EHMT1: variants seen among roughly 807,000 people sequenced by gnomAD.
EHMT1 encodes the protein histone-lysine N-methyltransferase EHMT1.
Under a neutral mutation model 147.2 loss-of-function variants are expected in EHMT1, and 15 were observed. The ratio of observed to expected loss-of-function variants is 0.10; its 90% CI spans 0.07 to 0.16. The LOEUF is 0.16. Ranked by LOEUF, EHMT1 falls within the 10% of genes least tolerant of loss-of-function variation. The pLI is 1.00. For synonymous variants in EHMT1, 795 were observed against 709.6 expected (o/e 1.12, Z -1.91); for missense variants, 1,587 against 1,772.4 (o/e 0.90, Z 1.88).
At chr9:137,675,630 ATTTT>A (rs61666243) in intron 1 of EHMT1, among the ~76,000 whole-genome samples, 91 of 105,736 alleles carry the variant, frequency 8.6e-4, no homozygotes, top group African/African-American at 1.7e-3. Context: ...CGCCCGGCTA[ATTTT>A]TTTTTTTTTT....
Position 137,811,412 on chromosome 9 carries a change from T to G in EHMT1, c.2713-49T>G, listed in dbSNP as rs1361831351. The stretch of plus-strand genomic sequence containing the variant: ...AGCTGCTGTGGCCCAGCCCCAGCAC[T>G]GTGAGCCAGCAGGAAGCCTGCACTG... On this transcript the variant is annotated intron_variant, in intron 18 of 26. Coordinates refer to ENST00000460843, the MANE Select transcript of EHMT1 (RefSeq NM_024757.5). 2.5e-6 allele frequency: 4 copies of G among 1,608,826 alleles called. No individual in the cohort carries two copies. In the Admixed American group the frequency reaches 6.7e-5, roughly 27 times the overall value.
In EHMT1 at chr9:137,716,724, G is replaced by A. The variant is rs112003143; in HGVS notation, c.184G>A (p.Asp62Asn). 68 of 1,611,986 alleles carry A rather than the reference G, an allele frequency of 4.2e-5. No homozygotes were observed. Among genetic ancestry groups the A allele is most frequent in the Non-Finnish European group, 5.4e-5 (64 of 1,179,098 alleles). Reference protein sequence around the residue: ...GETNGSCENSDASSHANAAKH... With the variant: ...GETNGSCENSNASSHANAAKH... Reference sequence around the variant, plus strand: ...GACCAATGGGTCTTGTGAAAACAGCGATGCCAGCAGTCATGCAAATGCTGC... The same window carrying A: ...GACCAATGGGTCTTGTGAAAACAGCAATGCCAGCAGTCATGCAAATGCTGC... The change falls in exon 3 of 27, where the codon GAT (aspartate) becomes AAT (asparagine). Residue 62 changes from aspartate to asparagine, a missense_variant. Around this residue, in one of 7 missense-constraint regions of EHMT1, gnomAD observed 810 missense variants for 673.0 expected, o/e 1.20. Transcript: ENST00000460843.
At chr9:137,644,134 C>G (rs991833253) in intron 1 of EHMT1, among the ~76,000 whole-genome samples, 1 of 152,168 alleles carries the variant, frequency 6.6e-6, no homozygotes, top group Non-Finnish European at 1.5e-5. Context: ...CTGATCCCGC[C>G]GTGCATTGCG....
chr9:137,806,349 G>A (rs575487021), intron 18 of EHMT1, among the ~76,000 whole-genome samples: 5 of 152,166 alleles, frequency 3.3e-5, no homozygotes, highest in African/African-American at 1.2e-4. Flanking sequence ...CCACCTTGGT[G>A]GGCTCATGCT....
chr9:137,824,467 T>G (rs570039576), intron 25 of EHMT1, among the ~76,000 whole-genome samples: 296 of 152,250 alleles, frequency 1.9e-3, no homozygotes, highest in Non-Finnish European at 2.1e-3. Context: ...CTCGGTTTTT[T>G]TTTCAAAACT....
At chr9:137,768,478 C>A (rs1950366974) in intron 10 of EHMT1, among the ~76,000 whole-genome samples, 1 of 147,382 alleles carries the variant, frequency 6.8e-6, no homozygotes, top group Middle Eastern at 3.5e-3. Context: ...CTCAGCCTCC[C>A]AAGTAGTTGG....
chr9:137,695,961 G>A (rs1943365525), intron 1 of EHMT1, among the ~76,000 whole-genome samples: 1 of 152,194 alleles, frequency 6.6e-6, no homozygotes. Flanking sequence ...AGTAGGGACG[G>A]GGCCACCTTT....
At chr9:137,652,496 C>G (rs1003024902) in intron 1 of EHMT1, among the ~76,000 whole-genome samples, 1 of 151,886 alleles carries the variant, frequency 6.6e-6, no homozygotes, top group Non-Finnish European at 1.5e-5. Flanking sequence ...GAGCAATTCT[C>G]CTGCCTCAGC....
At chr9:137,649,222 T>C (rs1441690195) in intron 1 of EHMT1, among the ~76,000 whole-genome samples, 1 of 151,858 alleles carries the variant, frequency 6.6e-6, no homozygotes, top group Non-Finnish European at 1.5e-5. Flanking sequence ...GGCGGGTGGA[T>C]CATGAGGTCA....
At chr9:137,792,156 C>A (rs1344450720) in intron 16 of EHMT1, 3 of 465,758 alleles carry the variant, frequency 6.4e-6, no homozygotes, top group African/African-American at 6.1e-5. Context: ...TTGCTGATTT[C>A]AAAACTTACT....
chr9:137,775,882 G>GGTGT lies in EHMT1; in HGVS notation c.1791+645_1791+648dup, dbSNP rs10627906. On this transcript the variant is annotated intron_variant, in intron 11 of 26. Transcript: ENST00000460843. The surrounding 1 kb of genome is among the most constrained non-coding windows in gnomAD (Gnocchi z 6.1). ...TGTGTGGGCATCCTCGTGCATGTAG[G>GGTGT]GTGTGTGTGTGTGTGTGTCTGTGCG... 1.5e-4 allele frequency among the ~76,000 whole-genome samples: 23 copies of GGTGT among 150,110 alleles called. No homozygotes were observed. Among genetic ancestry groups the GGTGT allele is most frequent in the African/African-American group, 5.4e-4 (22 of 40,876 alleles).
At chr9:137,711,152 T>G in intron 2 of EHMT1, 122 bp downstream of exon 2, 2 of 1,000,914 alleles carry the variant, frequency 2.0e-6, no homozygotes, top group Non-Finnish European at 2.9e-6. Context: ...AGGTTTATGG[T>G]ATAGTTTCTA....
intron 1 of EHMT1, among the ~76,000 whole-genome samples, chr9:137,659,894 G>T (rs1163033037): frequency 1.3e-5 from 2 of 152,016 alleles, no homozygotes; most frequent in African/African-American, 4.8e-5. Context: ...TATTTTAAGA[G>T]ACTTTTCTTT....
At chr9:137,758,924 G>A (rs956134572) in intron 9 of EHMT1, among the ~76,000 whole-genome samples, 2 of 152,004 alleles carry the variant, frequency 1.3e-5, no homozygotes, top group African/African-American at 2.4e-5. Flanking sequence ...TCAGGAGATC[G>A]AGACCATCCT....
intron 3 of EHMT1, among the ~76,000 whole-genome samples, chr9:137,727,781 G>T (rs1376538243): frequency 6.6e-6 from 1 of 152,208 alleles, no homozygotes; most frequent in African/African-American, 2.4e-5. Context: ...TGCCCTGCAG[G>T]CTGAGACTAA....
chr9:137,763,601 T>C (rs989072492), intron 10 of EHMT1: 3 of 154,706 alleles, frequency 1.9e-5, no homozygotes, highest in African/African-American at 7.2e-5. Flanking sequence ...CTGGTCTTAT[T>C]GGCCAGCGGA....
intron 1 of EHMT1, among the ~76,000 whole-genome samples, chr9:137,686,344 C>T (rs1942427614): frequency 6.6e-6 from 1 of 151,652 alleles, no homozygotes; most frequent in Non-Finnish European, 1.5e-5. Context: ...AGTTTTATCT[C>T]ATATTTGTTT....
chr9:137,751,581 C>T (rs763708683), intron 6 of EHMT1, among the ~76,000 whole-genome samples: 5 of 152,198 alleles, frequency 3.3e-5, no homozygotes, highest in Non-Finnish European at 7.3e-5. Flanking sequence ...TGGACGGAGA[C>T]TCACGTATGT....
chr9:137,729,226 C>T (rs1394366981), intron 4 of EHMT1, among the ~76,000 whole-genome samples: 1 of 152,206 alleles, frequency 6.6e-6, no homozygotes, highest in East Asian at 1.9e-4. Flanking sequence ...AATGCTGCTG[C>T]TGCTGGCAAG....
Sources: gnomAD v4.1 joint callset for allele counts (sites outside exome capture counted in the v4.1 genomes callset) on GRCh38, gnomAD v4.1.1 for gene constraint, gnomAD v4.1.1 regional missense constraint, Gnocchi (gnomAD v3.1) non-coding constraint, MANE v1.5 for transcripts, NCBI Gene and HGNC (gene_info 2026-07-23, HGNC 2026-07-21) for gene names.